MYO16: variants seen among roughly 807,000 people sequenced by gnomAD.
MYO16 encodes the protein myosin XVI.
In MYO16, 94 loss-of-function variants were observed where a neutral mutation model predicts 205.3. The ratio of observed to expected loss-of-function variants is 0.46; its 90% CI spans 0.39 to 0.54. The LOEUF (loss-of-function observed/expected upper bound fraction) is 0.54. MYO16 is among the 20% of genes least tolerant of loss of function. The probability of loss-of-function intolerance (pLI) is 0.00; values close to 1 mark genes in which losing one functional copy is unlikely to be tolerated. For missense variants in MYO16, 2,315 were observed against 2,387.5 expected, an observed-to-expected ratio of 0.97 and a Z score of 0.63; for synonymous variants, 988 against 954.0, an observed-to-expected ratio of 1.04 and a Z score of -0.66.
At chr13:109,203,218 AC>A (rs1340162929) in intron 34 of MYO16, among the ~76,000 whole-genome samples, 7 of 152,196 alleles carry the variant, frequency 4.6e-5, no homozygotes, top group Non-Finnish European at 7.3e-5. Flanking sequence ...AAACTGAAGA[AC>A]TTTTGTATGG....
chr13:109,178,007 G>T (rs1879285442), intron 33 of MYO16, among the ~76,000 whole-genome samples: 1 of 152,056 alleles, frequency 6.6e-6, no homozygotes, highest in Non-Finnish European at 1.5e-5. Flanking sequence ...CTAAGAGGTG[G>T]TCCTTCACAT....
intron 21 of MYO16, among the ~76,000 whole-genome samples, chr13:108,995,556 A>G (rs1481109332): frequency 1.3e-5 from 2 of 152,048 alleles, no homozygotes; most frequent in African/African-American, 4.8e-5. Flanking sequence ...GTCATTTAAC[A>G]TTAGGTATAT....
intron 20 of MYO16, among the ~76,000 whole-genome samples, chr13:108,965,908 G>A (rs147462257): frequency 1.3e-5 from 2 of 152,230 alleles, no homozygotes; most frequent in East Asian, 1.9e-4. Flanking sequence ...TTAGTCATCC[G>A]TATAGACTTC....
At position 109,140,414 on chromosome 13, in the gene MYO16, C is replaced by G. The variant is rs1434356153; in HGVS notation, c.4202C>G (p.Ala1401Gly). The G allele has an allele frequency of 6.3e-7, 1 of 1,578,410 alleles. No individual in the cohort carries two copies. Residue 1401 changes from alanine to glycine, a missense_variant, in exon 32 of 35, where the codon GCC becomes GGC. Physicochemically the swap from Ala to Gly is moderately conservative, Grantham distance 60. Around this residue, in one of 3 missense-constraint regions of MYO16, gnomAD observed 1,097 missense variants for 1,092.0 expected, o/e 1.00. Coordinates refer to ENST00000457511, the MANE Select transcript of MYO16 (RefSeq NM_001198950.3). This position sits in a 1 kb window ranked among gnomAD's most constrained non-coding sequence, Gnocchi z 8.0. ...CCCGGGGACGCGAGGCCCGCGGGCG[C>G]CCCGGGGGCAGCAGCGCGCGTTCTG... ...SRPGDARPAG[A>G]PGAAARVLTP...
intron 15 of MYO16, among the ~76,000 whole-genome samples, chr13:108,903,397 T>C (rs968609787): frequency 1.3e-5 from 2 of 152,024 alleles, no homozygotes; most frequent in African/African-American, 4.8e-5. Context: ...TTTTCAGGGG[T>C]CCACTGGGGA....
intron 1 of MYO16, among the ~76,000 whole-genome samples, chr13:108,609,919 A>G (rs1332841505): frequency 6.6e-6 from 1 of 152,162 alleles, no homozygotes; most frequent in East Asian, 1.9e-4. Context: ...AGGATGAATC[A>G]TGGACACTTG....
chr13:108,815,260 T>G (rs1037940350), intron 7 of MYO16, among the ~76,000 whole-genome samples: 9 of 152,166 alleles, frequency 5.9e-5, no homozygotes, highest in Admixed American at 5.2e-4. Flanking sequence ...CCCAACGATG[T>G]CCATGTCCTA....
chr13:108,719,701 C>A (rs185588338), intron 3 of MYO16, among the ~76,000 whole-genome samples: 2 of 152,232 alleles, frequency 1.3e-5, no homozygotes, highest in Admixed American at 6.5e-5. Context: ...TCAAGACAAG[C>A]TCCTGTGTTC....
chr13:108,586,011 A>G, the MYO16 span, among the ~76,000 whole-genome samples: 3 of 152,152 alleles, frequency 2.0e-5, no homozygotes, highest in South Asian at 2.1e-4. Context: ...AGAAGTTTCA[A>G]TAAGTTACCA....
intron 34 of MYO16, among the ~76,000 whole-genome samples, chr13:109,182,979 C>T (rs1045629418): frequency 1.3e-4 from 20 of 152,176 alleles, no homozygotes; most frequent in Admixed American, 3.9e-4. Flanking sequence ...CTGTGAGATA[C>T]GACATCATGG....
intron 20 of MYO16, among the ~76,000 whole-genome samples, chr13:108,967,563 C>T (rs541649313): frequency 2.6e-5 from 4 of 152,244 alleles, no homozygotes; most frequent in South Asian, 2.1e-4. Context: ...GTGCTTGGCC[C>T]GGACCCTGCG....
At chr13:108,640,902 A>G (rs1880476891) in intron 1 of MYO16, among the ~76,000 whole-genome samples, 1 of 152,244 alleles carries the variant, frequency 6.6e-6, no homozygotes, top group Admixed American at 6.5e-5. Flanking sequence ...TCATGGTTTA[A>G]GAGTGACTGT....
At chr13:108,597,742 C>A (rs1292445512) in intron 1 of MYO16, among the ~76,000 whole-genome samples, 1 of 152,006 alleles carries the variant, frequency 6.6e-6, no homozygotes, top group African/African-American at 2.4e-5. Flanking sequence ...TACAAAATTG[C>A]CTGTGTGTGA....
chr13:109,157,523 G>A (rs1369608736), intron 32 of MYO16, among the ~76,000 whole-genome samples: 1 of 152,158 alleles, frequency 6.6e-6, no homozygotes, highest in Non-Finnish European at 1.5e-5. Context: ...AGGCTCACCT[G>A]GCTGCTCCAG....
intron 13 of MYO16, among the ~76,000 whole-genome samples, chr13:108,887,842 G>A (rs1013623458): frequency 1.3e-5 from 2 of 152,122 alleles, no homozygotes; most frequent in African/African-American, 4.8e-5. Flanking sequence ...TCAGAAAGAT[G>A]TCACAGCTTT....
At chr13:109,057,156 A>G (rs1887440311) in intron 27 of MYO16, among the ~76,000 whole-genome samples, 1 of 152,214 alleles carries the variant, frequency 6.6e-6, no homozygotes, top group African/African-American at 2.4e-5. Flanking sequence ...TAATTTTTAT[A>G]ACATTTGTTT....
chr13:108,585,616 C>T, the MYO16 span, among the ~76,000 whole-genome samples: 1 of 152,124 alleles, frequency 6.6e-6, no homozygotes, highest in Non-Finnish European at 1.5e-5. Flanking sequence ...TGGATTTTTC[C>T]CACAAGAGAC....
At chr13:109,126,254 A>C (rs531769455) in intron 30 of MYO16, among the ~76,000 whole-genome samples, 57 of 152,310 alleles carry the variant, frequency 3.7e-4, no homozygotes, top group African/African-American at 1.4e-3. Flanking sequence ...AGAAAAAAAG[A>C]CTGTAATTAA....
At position 108,883,206 on chromosome 13, in the gene MYO16, G is replaced by C. The variant is rs990451178; in HGVS notation, c.1553+20G>C. 1.9e-6 allele frequency: 3 copies of C among 1,607,460 alleles called. No homozygotes were observed. The highest frequency in any genetic ancestry group is 2.6e-6 in the Non-Finnish European group (3 of 1,175,356). On this transcript the variant is annotated intron_variant, in intron 13 of 34. Transcript: ENST00000457511. ...CCTCAGGTGAGTCCTCCTCAACCTT[G>C]TCTGCCAGGCTCAGGTTTGCCACGG...
Sources: gnomAD v4.1 joint callset for allele counts (sites outside exome capture counted in the v4.1 genomes callset) on GRCh38, gnomAD v4.1.1 for gene constraint, gnomAD v4.1.1 regional missense constraint, Gnocchi (gnomAD v3.1) non-coding constraint, MANE v1.5 for transcripts, NCBI Gene and HGNC (gene_info 2026-07-23, HGNC 2026-07-21) for gene names.